The following RSRC1 variants were observed in gnomAD, a reference collection of about 807,000 sequenced individuals.
RSRC1 encodes serine/Arginine-related protein 53.
RSRC1 carries 39 observed loss-of-function variants against 49.1 expected under a neutral mutation model. The observed-to-expected ratio is 0.79, with a 90% CI of 0.61 to 1.04. The LOEUF (loss-of-function observed/expected upper bound fraction) is 1.04, where lower values mean the gene tolerates loss of function less well. Among genes scored for constraint, RSRC1 ranks in the 50% least tolerant of loss-of-function variants. The pLI is 0.00. For synonymous variants in RSRC1, 143 were observed against 130.8 expected (o/e 1.09, Z -0.63); for missense variants, 388 against 402.4 (o/e 0.96, Z 0.31).
chr3:158,525,594 A>C (rs1711964494), intron 7 of RSRC1, among the ~76,000 whole-genome samples: 1 of 152,002 alleles, frequency 6.6e-6, no homozygotes, highest in African/African-American at 2.4e-5. Context: ...GTTCACACAA[A>C]GAGTTGTACA....
chr3:158,368,166 G>A (rs1164677206), intron 6 of RSRC1, among the ~76,000 whole-genome samples: 1 of 152,234 alleles, frequency 6.6e-6, no homozygotes, highest in African/African-American at 2.4e-5. Flanking sequence ...CCTAGCTGAA[G>A]TATGTTGCTT....
At chr3:158,183,375 T>C (rs1719740552) in intron 3 of RSRC1, among the ~76,000 whole-genome samples, 1 of 152,100 alleles carries the variant, frequency 6.6e-6, no homozygotes, top group African/African-American at 2.4e-5. Context: ...GTAGTAAAAA[T>C]GGAAATGAGT....
chr3:158,543,573 A>G (rs1383792150), intron 9 of RSRC1, 86 bp downstream of exon 9: 1 of 1,367,120 alleles, frequency 7.3e-7, no homozygotes, highest in African/African-American at 1.5e-5. Context: ...GCTAACACCA[A>G]GGAGACCATT....
chr3:158,398,274 C>T (rs1733711594), intron 6 of RSRC1, among the ~76,000 whole-genome samples: 1 of 152,062 alleles, frequency 6.6e-6, no homozygotes, highest in Admixed American at 6.6e-5. Flanking sequence ...ACTTATTTCT[C>T]ACAGTTCCTG....
At chr3:158,451,073 A>T (rs975989857) in intron 6 of RSRC1, among the ~76,000 whole-genome samples, 5 of 151,888 alleles carry the variant, frequency 3.3e-5, no homozygotes, top group Non-Finnish European at 7.4e-5. Flanking sequence ...GTAAATTTAT[A>T]ATTATTTACT....
At chr3:158,408,151 A>G (rs1346046049) in intron 6 of RSRC1, among the ~76,000 whole-genome samples, 2 of 152,194 alleles carry the variant, frequency 1.3e-5, no homozygotes, top group Admixed American at 6.6e-5. Flanking sequence ...ACTTTTCCCC[A>G]TACTGAGATT....
intron 6 of RSRC1, among the ~76,000 whole-genome samples, chr3:158,412,461 A>G (rs1218296344): frequency 6.6e-6 from 1 of 152,142 alleles, no homozygotes; most frequent in Non-Finnish European, 1.5e-5. Flanking sequence ...TTTGGGAGTC[A>G]TTATCTTCCA....
At chr3:158,336,745 C>T (rs1376019955) in intron 5 of RSRC1, 4 of 152,246 alleles carry the variant, frequency 2.6e-5, no homozygotes, top group African/African-American at 9.6e-5. Flanking sequence ...TTACCAGCTT[C>T]AGAGGTTCAC....
rs570997280 is a variant in RSRC1 at position 158,544,390 on chromosome 3, G to T, written c.*115G>T. On this transcript the variant is annotated 3_prime_UTR_variant, in exon 10 of 10. Coordinates refer to ENST00000611884, the MANE Select transcript of RSRC1 (RefSeq NM_001271838.2). The stretch of plus-strand genomic sequence containing the variant: ...AGAATTTTGCTGATTATATATAAAG[G>T]TAGTCTCATTTCATTTGTCTCTCAT... 23 of 553,254 alleles carry T rather than the reference G, an allele frequency of 4.2e-5. No individual in the cohort carries two copies. Among genetic ancestry groups the T allele is most frequent in the Middle Eastern group, 5.0e-4 (1 of 2,010 alleles). 34.3% of individuals were successfully genotyped at this position (553,254 alleles called of 1,614,324 possible).
chr3:158,329,459 A>G (rs975378029), intron 5 of RSRC1, among the ~76,000 whole-genome samples: 1 of 152,216 alleles, frequency 6.6e-6, no homozygotes, highest in Non-Finnish European at 1.5e-5. Flanking sequence ...TCTAACAGTC[A>G]GGACCCTCAG....
At chr3:158,445,543 C>T (rs764534438) in intron 6 of RSRC1, among the ~76,000 whole-genome samples, 3 of 151,986 alleles carry the variant, frequency 2.0e-5, no homozygotes, top group Admixed American at 6.6e-5. Context: ...TTAGGAGATA[C>T]ACCTAACATA....
chr3:158,313,930 G>A (rs1310206390), intron 5 of RSRC1, among the ~76,000 whole-genome samples: 1 of 152,008 alleles, frequency 6.6e-6, no homozygotes, highest in Non-Finnish European at 1.5e-5. Flanking sequence ...AACATTTAAA[G>A]TTTTTACAGA....
At chr3:158,370,627 T>C (rs760860420) in intron 6 of RSRC1, among the ~76,000 whole-genome samples, 7 of 151,930 alleles carry the variant, frequency 4.6e-5, no homozygotes, top group Non-Finnish European at 8.8e-5. Flanking sequence ...TGTCTGGCTA[T>C]ACCAGTTTGT....
rs141661953 is a variant in RSRC1 at position 158,208,486 on chromosome 3, C to G, written c.494+5241C>G. 1.6e-3 allele frequency among the ~76,000 whole-genome samples: 238 copies of G among 152,234 alleles called. 6 individuals carry two copies. In the East Asian group the frequency reaches 0.04, roughly 26 times the overall value. ...TCCAGTGATCCTCCCACCTTAGCCT[C>G]TTAAGTAGCTAGTACTGCAAGTGTT... On this transcript the variant is annotated intron_variant, in intron 4 of 9. Transcript: ENST00000611884.
chr3:158,223,475 A>T (rs1041875148), intron 4 of RSRC1, among the ~76,000 whole-genome samples: 1 of 151,662 alleles, frequency 6.6e-6, no homozygotes, highest in Admixed American at 6.6e-5. Flanking sequence ...TCAAACTCTA[A>T]TAATTATTAT....
At chr3:158,251,785 T>C (rs1269636420) in intron 4 of RSRC1, among the ~76,000 whole-genome samples, 1 of 152,228 alleles carries the variant, frequency 6.6e-6, no homozygotes. Flanking sequence ...ACTTTTCTCA[T>C]TCCAGTTTAG....
intron 5 of RSRC1, among the ~76,000 whole-genome samples, chr3:158,332,828 T>C (rs980446100): frequency 2.0e-5 from 3 of 152,178 alleles, no homozygotes; most frequent in African/African-American, 7.2e-5. Flanking sequence ...GTTTTGTAGT[T>C]TTTAAAAAAT....
intron 7 of RSRC1, among the ~76,000 whole-genome samples, chr3:158,476,437 C>T (rs535690709): frequency 6.6e-6 from 1 of 152,084 alleles, no homozygotes; most frequent in Non-Finnish European, 1.5e-5. Flanking sequence ...GTCAAAGCTT[C>T]GAAGAACAGG....
chr3:158,286,330 A>C (rs1726556259), intron 4 of RSRC1, among the ~76,000 whole-genome samples: 1 of 152,196 alleles, frequency 6.6e-6, no homozygotes, highest in Non-Finnish European at 1.5e-5. Flanking sequence ...GATCTACTGA[A>C]TCTCTCTGAT....
Sources: gnomAD v4.1 joint callset for allele counts (sites outside exome capture counted in the v4.1 genomes callset) on GRCh38, gnomAD v4.1.1 for gene constraint, MANE v1.5 for transcripts, NCBI Gene and HGNC (gene_info 2026-07-23, HGNC 2026-07-21) for gene names.